Variants in PRELID2 observed in about 807,000 individuals in gnomAD.
PRELID2 encodes PRELI domain containing 2.
In PRELID2, 25 loss-of-function variants were observed where a neutral mutation model predicts 28.4. That is an observed-to-expected ratio of 0.88 (90% confidence interval 0.64 to 1.23). PRELID2 has a LOEUF of 1.23. PRELID2 is among the 50% of genes most tolerant of loss of function. The pLI is 0.00. For missense variants in PRELID2, 201 were observed against 214.4 expected (o/e 0.94, Z 0.39); for synonymous variants, 76 against 71.6 (o/e 1.06, Z -0.31).
intron 1 of PRELID2, among the ~76,000 whole-genome samples, chr5:145,515,294 C>T (rs886296631): frequency 2.0e-5 from 3 of 152,042 alleles, no homozygotes; most frequent in Non-Finnish European, 4.4e-5. Flanking sequence ...CAAATAGACA[C>T]AATAAAAAAT....
intron 1 of PRELID2, among the ~76,000 whole-genome samples, chr5:145,587,377 G>A (rs1487531673): frequency 6.6e-6 from 1 of 152,116 alleles, no homozygotes; most frequent in Non-Finnish European, 1.5e-5. Context: ...CCGGGTGGCT[G>A]GGATGTTTTA....
At chr5:145,604,193 C>T (rs1753462194) in intron 1 of PRELID2, among the ~76,000 whole-genome samples, 1 of 151,954 alleles carries the variant, frequency 6.6e-6, no homozygotes, top group Non-Finnish European at 1.5e-5. Flanking sequence ...TATTTTATCA[C>T]GCAGGTAATA....
chr5:145,587,403 T>C (rs1457625610), intron 1 of PRELID2, among the ~76,000 whole-genome samples: 1 of 152,138 alleles, frequency 6.6e-6, no homozygotes, highest in Admixed American at 6.6e-5. Context: ...CAGCAAGCAT[T>C]AGAAAGATGC....
the PRELID2 span, among the ~76,000 whole-genome samples, chr5:145,379,597 G>A: frequency 6.6e-6 from 1 of 152,142 alleles, no homozygotes; most frequent in African/African-American, 2.4e-5. Flanking sequence ...GAGATGGCTG[G>A]CTCTGCTCAC....
At chr5:145,266,515 T>C in the PRELID2 span, among the ~76,000 whole-genome samples, 1 of 151,932 alleles carries the variant, frequency 6.6e-6, no homozygotes, top group African/African-American at 2.4e-5. Flanking sequence ...ACAAGAGTGG[T>C]CATAATCAAA....
the PRELID2 span, among the ~76,000 whole-genome samples, chr5:145,357,171 T>A: frequency 6.6e-6 from 1 of 151,922 alleles, no homozygotes; most frequent in Non-Finnish European, 1.5e-5. Flanking sequence ...GCCTTTAACA[T>A]TTTTTTTCCA....
chr5:145,598,741 A>G (rs916474664), intron 1 of PRELID2, among the ~76,000 whole-genome samples: 2 of 152,192 alleles, frequency 1.3e-5, no homozygotes, highest in African/African-American at 4.8e-5. Context: ...TCAAAGAGCC[A>G]CATTCCAGTG....
chr5:145,287,724 T>C, the PRELID2 span, among the ~76,000 whole-genome samples: 1 of 152,334 alleles, frequency 6.6e-6, no homozygotes, highest in African/African-American at 2.4e-5. Flanking sequence ...TATAATTTAA[T>C]GAATCAATAC....
intron 1 of PRELID2, among the ~76,000 whole-genome samples, chr5:145,583,861 T>G (rs1248843020): frequency 6.6e-6 from 1 of 152,188 alleles, no homozygotes; most frequent in Non-Finnish European, 1.5e-5. Flanking sequence ...ATGGCCATAC[T>G]GCTCAAAGTA....
the PRELID2 span, among the ~76,000 whole-genome samples, chr5:145,466,632 T>C: frequency 6.6e-6 from 1 of 152,174 alleles, no homozygotes; most frequent in Non-Finnish European, 1.5e-5. Flanking sequence ...TATTGGCTGG[T>C]AATTAAACCA....
downstream of PRELID2, among the ~76,000 whole-genome samples, chr5:145,755,864 A>C (rs1561575240): frequency 6.6e-6 from 1 of 152,226 alleles, no homozygotes; most frequent in Non-Finnish European, 1.5e-5. Flanking sequence ...GGGCTCTAGC[A>C]TTAACAGGGT....
intron 4 of PRELID2, among the ~76,000 whole-genome samples, chr5:145,797,988 G>C (rs1476670959): frequency 1.3e-5 from 2 of 151,554 alleles, no homozygotes; most frequent in African/African-American, 2.4e-5. Flanking sequence ...TAAAGCGCAA[G>C]AATAAAATGA....
intron 1 of PRELID2, among the ~76,000 whole-genome samples, chr5:145,603,198 A>T (rs1753424012): frequency 6.6e-6 from 1 of 152,176 alleles, no homozygotes; most frequent in African/African-American, 2.4e-5. Context: ...CGAATTTTAC[A>T]GAACTGATGA....
At chr5:145,464,977 C>T in the PRELID2 span, among the ~76,000 whole-genome samples, 12 of 152,058 alleles carry the variant, frequency 7.9e-5, no homozygotes, top group Non-Finnish European at 1.5e-4. Flanking sequence ...GCCCAAAATC[C>T]TCTTGTAATG....
the PRELID2 span, among the ~76,000 whole-genome samples, chr5:145,361,397 C>G: frequency 6.6e-6 from 1 of 152,172 alleles, no homozygotes; most frequent in African/African-American, 2.4e-5. Context: ...TTTCATGATG[C>G]TCCCCGAAAG....
chr5:145,299,502 A>C, the PRELID2 span, among the ~76,000 whole-genome samples: 1 of 151,902 alleles, frequency 6.6e-6, no homozygotes, highest in Non-Finnish European at 1.5e-5. Flanking sequence ...TCCTCATTCC[A>C]TGGTTATTGT....
At position 145,818,026 on chromosome 5, in the gene PRELID2, T is replaced by G. The variant is rs1190280517; in HGVS notation, c.236A>C (p.Gln79Pro). 1 of 1,612,352 alleles carries G rather than the reference T, an allele frequency of 6.2e-7. No individual in the cohort carries two copies. Among genetic ancestry groups the G allele is most frequent in the East Asian group, 2.2e-5 (1 of 44,670 alleles). ...KVSILKVPNI[Q>P]LEEESWLNPR... is the part of the protein sequence containing the mutation. Reference sequence around the variant, plus strand: ...ATTGAGCCATGACTCCTCTTCTAATTGGATATTAGGTACTTTCAAAATGCT... The same window carrying G: ...ATTGAGCCATGACTCCTCTTCTAATGGGATATTAGGTACTTTCAAAATGCT... The change falls in exon 4 of 7, where the codon CAA (glutamine) becomes CCA (proline). Residue 79 changes from glutamine (Q) to proline (P), a missense_variant. Gln to Pro is a moderately conservative substitution (Grantham distance 76). Transcript: ENST00000683046.
At chr5:145,336,917 A>T in the PRELID2 span, among the ~76,000 whole-genome samples, 2 of 135,328 alleles carry the variant, frequency 1.5e-5, no homozygotes, top group Non-Finnish European at 3.1e-5. Context: ...AACAATGAGA[A>T]CACATGGACC....
At chr5:145,360,518 G>A in the PRELID2 span, among the ~76,000 whole-genome samples, 13 of 152,118 alleles carry the variant, frequency 8.5e-5, no homozygotes, top group Non-Finnish European at 1.9e-4. Context: ...ATTCAAGTAG[G>A]TTTTGTCTGG....
Sources: allele counts gnomAD v4.1 joint callset (sites outside exome capture counted in the v4.1 genomes callset), GRCh38; gene constraint gnomAD v4.1.1; transcripts MANE v1.5; gene names NCBI Gene and HGNC (gene_info 2026-07-23, HGNC 2026-07-21).